Variants in TFF3 observed in about 807,000 individuals in gnomAD.
TFF3 encodes the protein trefoil factor 3, also known as polypeptide P1.B.
A neutral mutation model predicts 9.7 loss-of-function variants in TFF3; 6 were observed. That is an observed-to-expected ratio of 0.62 (90% CI 0.34 to 1.22). TFF3 has a LOEUF of 1.22. Among genes scored for constraint, TFF3 ranks in the 50% most tolerant of loss-of-function variants. TFF3 has a pLI of 0.04. For synonymous variants in TFF3, 48 were observed against 41.4 expected, an observed-to-expected ratio of 1.16 and a Z score of -0.61; for missense variants, 93 against 98.6, an observed-to-expected ratio of 0.94 and a Z score of 0.24.
At position 42,315,357 on chromosome 21, in the gene TFF3, G is replaced by A; in HGVS notation, c.18C>T (p.Leu6=). 6.2e-7 allele frequency: 1 copy of A among 1,614,202 alleles called. No homozygotes were observed. Among genetic ancestry groups the A allele is most frequent in the East Asian group, 2.2e-5 (1 of 44,886 alleles). MAARA[L]CMLGLVLALL... ...AGGCCAGGACCAGCCCCAGCATGCA[G>A]AGCGCTCTGGCAGCCATGACCACCG... The change falls in exon 1 of 3, where the codon CTC becomes CTT. Residue 6 remains leucine, a synonymous_variant. Coordinates refer to ENST00000518498, the MANE Select transcript of TFF3 (RefSeq NM_003226.4).
rs199571867 is a variant in TFF3 at position 42,313,738 on chromosome 21, C to G, written c.83-107G>C. 1.2e-5 allele frequency: 16 copies of G among 1,318,614 alleles called. No individual in the cohort carries two copies. The highest frequency in any genetic ancestry group is 2.7e-5 in the Admixed American group (1 of 36,594). The allele number at this position is 1,318,614 out of a possible 1,614,324, so 81.7% of individuals were successfully genotyped here. A position where few individuals can be genotyped will look rare whatever the true frequency, so the allele number is the denominator to read the frequency against. On this transcript the variant is annotated intron_variant, in intron 1 of 2. Coordinates refer to ENST00000518498, the MANE Select transcript of TFF3 (RefSeq NM_003226.4). This position sits in a 1 kb window ranked among gnomAD's most constrained non-coding sequence, Gnocchi z 4.0. Reference sequence around the variant, plus strand: ...ATCCTCCCGCTCCGCCCCACCCCGCCGAGTTCAACCACTGCTGAAACCCTC... The same window carrying G: ...ATCCTCCCGCTCCGCCCCACCCCGCGGAGTTCAACCACTGCTGAAACCCTC...
In TFF3 at chr21:42,313,662, G is replaced by T. The variant is rs2069343482; in HGVS notation, c.83-31C>A. The T allele has an allele frequency of 6.3e-7, 1 of 1,591,354 alleles. No individual in the cohort carries two copies. The highest frequency in any genetic ancestry group is 1.3e-5 in the African/African-American group (1 of 74,086). On this transcript the variant is annotated intron_variant, in intron 1 of 2. Transcript: ENST00000518498. The surrounding 1 kb of genome is among the most constrained non-coding windows in gnomAD (Gnocchi z 4.0). ...CCAGACAAAGCCCTGTCAGCTGCCA[G>T]AGCCCTTGCTGGGCTGCGGTGAGTG...
chr21:42,312,278 A>G lies in TFF3; in HGVS notation c.230-9T>C. On this transcript the variant is annotated splice_polypyrimidine_tract_variant and intron_variant, in intron 2 of 2. Transcript: ENST00000518498. ...GCCTCAGAAGGTGCATTCTGCAAAC[A>G]GAGCAAAGGCTTGTGTGAGCAGTCT... 2 of 1,602,418 alleles carry G rather than the reference A, an allele frequency of 1.2e-6. No homozygotes were observed. The highest frequency in any genetic ancestry group is 2.2e-5 in the East Asian group (1 of 44,792).
intron 2 of TFF3, among the ~76,000 whole-genome samples, chr21:42,312,844 A>C (rs538407): frequency 1.3e-5 from 2 of 151,982 alleles, no homozygotes; most frequent in Non-Finnish European, 2.9e-5. Flanking sequence ...GCTTATAGCC[A>C]ATCGCCCCAC....
intron 1 of TFF3, among the ~76,000 whole-genome samples, chr21:42,314,120 A>G (rs907187844): frequency 2.0e-5 from 3 of 152,284 alleles, no homozygotes; most frequent in African/African-American, 7.2e-5. Flanking sequence ...ATTGTTGAGC[A>G]TGTCCCACCC....
Position 42,313,785 on chromosome 21 carries a change from C to G in TFF3, c.83-154G>C. On this transcript the variant is annotated intron_variant, in intron 1 of 2. Transcript: ENST00000518498. This position sits in a 1 kb window ranked among gnomAD's most constrained non-coding sequence, Gnocchi z 4.0. ...CCTCGCCCTTAGGAAGATGCACTTT[C>G]CCTGTGAATATTTAAAGAGAGGCAG... 1 of 803,230 alleles carries G rather than the reference C, an allele frequency of 1.2e-6. No individual in the cohort carries two copies. Among genetic ancestry groups the G allele is most frequent in the East Asian group, 3.2e-5 (1 of 31,730 alleles). 49.8% of individuals were successfully genotyped at this position (803,230 alleles called of 1,614,324 possible).
At position 42,314,289 on chromosome 21, in the gene TFF3, C is replaced by G. The variant is rs146206623; in HGVS notation, c.83-658G>C. 2.0e-5 allele frequency among the ~76,000 whole-genome samples: 3 copies of G among 152,336 alleles called. No homozygotes were observed. The East Asian group carries it at 5.8e-4, about 29-fold the overall frequency. On this transcript the variant is annotated intron_variant, in intron 1 of 2. Transcript: ENST00000518498. ...GTCTTACATTCCCTTCTCTTGCTCC[C>G]AGTCCGTAATTGCTTATCCTCCTGG...
Position 42,315,348 on chromosome 21 carries a change from C to T in TFF3, c.27G>A (p.Leu9=). 1 of 1,614,210 alleles carries T rather than the reference C, an allele frequency of 6.2e-7. No homozygotes were observed. The highest frequency in any genetic ancestry group is 8.5e-7 in the Non-Finnish European group (1 of 1,180,042). MAARALCM[L]GLVLALLSSS... ...AGGACAGCAAGGCCAGGACCAGCCC[C>T]AGCATGCAGAGCGCTCTGGCAGCCA... is the stretch of plus-strand genomic sequence containing the variant. The change falls in exon 1 of 3, where the codon CTG becomes CTA. Residue 9 remains leucine (L), a synonymous_variant. Coordinates refer to ENST00000518498, the MANE Select transcript of TFF3 (RefSeq NM_003226.4).
rs778683008 is a variant in TFF3, at chr21:42,312,162, GA to G, written c.*93del. On this transcript the variant is annotated 3_prime_UTR_variant, in exon 3 of 3. Coordinates refer to ENST00000518498, the MANE Select transcript of TFF3 (RefSeq NM_003226.4). ...AGCGCTTGCCGGGAGCAAAGGGACA[GA>G]AAAGCTGAGATGAACAGTGCCTGGC... 1 of 1,569,152 alleles carries G rather than the reference GA, an allele frequency of 6.4e-7. No individual in the cohort carries two copies. The highest frequency in any genetic ancestry group is 8.8e-7 in the Non-Finnish European group (1 of 1,139,180).
At position 42,313,680 on chromosome 21, in the gene TFF3, G is replaced by A. The variant is rs1472214840; in HGVS notation, c.83-49C>T. The A allele has an allele frequency of 1.4e-5, 22 of 1,562,680 alleles. No individual in the cohort carries two copies. Among genetic ancestry groups the A allele is most frequent in the South Asian group, 2.3e-5 (2 of 85,412 alleles). ...GCTGCCAGAGCCCTTGCTGGGCTGC[G>A]GTGAGTGTGTTTGCTTCACTTTGCA... On this transcript the variant is annotated intron_variant, in intron 1 of 2. Coordinates refer to ENST00000518498, the MANE Select transcript of TFF3 (RefSeq NM_003226.4). The surrounding 1 kb of genome is among the most constrained non-coding windows in gnomAD (Gnocchi z 4.0).
At position 42,311,958 on chromosome 21, in the gene TFF3, C is replaced by A; in HGVS notation, c.*298G>T. 1.6e-6 allele frequency: 1 copy of A among 614,484 alleles called. No homozygotes were observed. Among genetic ancestry groups the A allele is most frequent in the South Asian group, 1.9e-5 (1 of 53,700 alleles). 38.1% of individuals were successfully genotyped at this position (614,484 alleles called of 1,614,324 possible). On this transcript the variant is annotated 3_prime_UTR_variant, in exon 3 of 3. Coordinates refer to ENST00000518498, the MANE Select transcript of TFF3 (RefSeq NM_003226.4). ...CATGCACTGCAGCTCCTTAGGGAGT[C>A]TTTTCCTGCCCTTGAGGCCTGGGCA...
At position 42,313,666 on chromosome 21, in the gene TFF3, C is replaced by T. The variant is rs1219614471; in HGVS notation, c.83-35G>A. Reference sequence around the variant, plus strand: ...ACAAAGCCCTGTCAGCTGCCAGAGCCCTTGCTGGGCTGCGGTGAGTGTGTT... The same window carrying T: ...ACAAAGCCCTGTCAGCTGCCAGAGCTCTTGCTGGGCTGCGGTGAGTGTGTT... On this transcript the variant is annotated intron_variant, in intron 1 of 2. Transcript: ENST00000518498. The surrounding 1 kb of genome is among the most constrained non-coding windows in gnomAD (Gnocchi z 4.0). The T allele has an allele frequency of 6.3e-7, 1 of 1,585,410 alleles. No individual in the cohort carries two copies.
intron 1 of TFF3, among the ~76,000 whole-genome samples, chr21:42,314,026 C>T (rs913058117): frequency 7.2e-5 from 11 of 152,220 alleles, no homozygotes; most frequent in East Asian, 3.9e-4. Context: ...AAATGAAAAC[C>T]GTGACAGGAG....
rs764758866 is a variant in TFF3, at chr21:42,313,604, T to A, written c.110A>T (p.Lys37Met). 6.2e-7 allele frequency: 1 copy of A among 1,610,716 alleles called. No individual in the cohort carries two copies. Among genetic ancestry groups the A allele is most frequent in the South Asian group, 1.1e-5 (1 of 90,650 alleles). The change falls in exon 2 of 3, where the codon AAG (lysine) becomes ATG (methionine). Residue 37 changes from lysine (K) to methionine (M), a missense_variant. Physicochemically the swap from Lys to Met is moderately conservative, Grantham distance 95. Transcript: ENST00000518498. This position sits in a 1 kb window ranked among gnomAD's most constrained non-coding sequence, Gnocchi z 4.0. ...LSANQCAVPA[K>M]DRVDCGYPHV... ...GGGGTAGCCGCAGTCCACCCTGTCC[T>A]TGGCTGGCACGGCACACTGGTTTGC...
At chr21:42,314,389 T>C (rs556148615) in intron 1 of TFF3, among the ~76,000 whole-genome samples, 2 of 152,236 alleles carry the variant, frequency 1.3e-5, no homozygotes, top group African/African-American at 2.4e-5. Flanking sequence ...CATGGTGGCT[T>C]ACACCTGTAA....
In TFF3 at chr21:42,313,840, G is replaced by A. The variant is rs1289945489; in HGVS notation, c.83-209C>T. ...TTAAATGCTCAGCTCGGGGACTCTGGCCATTTGCCTAAGTGTCTTTCTCCT... is the reference window on the plus strand; with the variant it reads ...TTAAATGCTCAGCTCGGGGACTCTGACCATTTGCCTAAGTGTCTTTCTCCT... On this transcript the variant is annotated intron_variant, in intron 1 of 2. Transcript: ENST00000518498. The surrounding 1 kb of genome is among the most constrained non-coding windows in gnomAD (Gnocchi z 4.0). Among the ~76,000 whole-genome samples the A allele has an allele frequency of 6.6e-6, 1 of 152,070 alleles. No individual in the cohort carries two copies. The highest frequency in any genetic ancestry group is 1.5e-5 in the Non-Finnish European group (1 of 68,000).
intron 2 of TFF3, among the ~76,000 whole-genome samples, 163 bp from the exon 3 acceptor site, chr21:42,312,432 CCACCT>C (rs1380334433): frequency 1.3e-5 from 2 of 152,208 alleles, no homozygotes; most frequent in African/African-American, 4.8e-5. Context: ...GCCAAGATTC[CCACCT>C]CGGGTTGCTA....
intron 2 of TFF3, 136 bp from the exon 3 acceptor site, chr21:42,312,405 C>CATGTGGTGGGG: frequency 1.9e-6 from 2 of 1,041,630 alleles, no homozygotes; most frequent in Non-Finnish European, 2.8e-6. Flanking sequence ...GTTGAGTCCC[C>CATGTGGTGGGG]ACCACATGGG....
In TFF3 at chr21:42,312,006, G is replaced by C; in HGVS notation, c.*250C>G. 2.3e-4 allele frequency: 128 copies of C among 546,028 alleles called. No individual in the cohort carries two copies. Among genetic ancestry groups the C allele is most frequent in the East Asian group, 2.8e-4 (7 of 25,082 alleles). 33.8% of individuals were successfully genotyped at this position (546,028 alleles called of 1,614,324 possible). A position where few individuals can be genotyped will look rare whatever the true frequency, so the allele number is the denominator to read the frequency against. On this transcript the variant is annotated 3_prime_UTR_variant, in exon 3 of 3. Coordinates refer to ENST00000518498, the MANE Select transcript of TFF3 (RefSeq NM_003226.4). ...GCAGACTCTCCCCTGACACCCTCCC[G>C]CCCTCTCCCACGACGCAGCAGAAAT...
Sources: gnomAD v4.1 joint callset for allele counts (sites outside exome capture counted in the v4.1 genomes callset) on GRCh38, gnomAD v4.1.1 for gene constraint, Gnocchi (gnomAD v3.1) non-coding constraint, MANE v1.5 for transcripts, NCBI Gene and HGNC (gene_info 2026-07-23, HGNC 2026-07-21) for gene names.